CEP85L: variants seen among roughly 807,000 people sequenced by gnomAD.
CEP85L encodes the protein centrosomal protein of 85 kDa-like.
CEP85L carries 60 observed loss-of-function variants against 100.3 expected under a neutral mutation model. That is an observed-to-expected ratio of 0.60 (90% confidence interval 0.49 to 0.74). CEP85L has a LOEUF of 0.74. Ranked by LOEUF, CEP85L falls within the 30% of genes least tolerant of loss-of-function variation. The pLI is 0.00. For synonymous variants in CEP85L, 319 were observed against 322.7 expected, an observed-to-expected ratio of 0.99 and a Z score of 0.12; for missense variants, 973 against 936.2, an observed-to-expected ratio of 1.04 and a Z score of -0.51.
rs1489681233 is a variant in CEP85L, at chr6:118,462,208, A to G, written c.*3197T>C. On this transcript the variant is annotated 3_prime_UTR_variant, in exon 13 of 13. Coordinates refer to ENST00000368491, the MANE Select transcript of CEP85L (RefSeq NM_001042475.3). ...TGTCACCACCAAAATAAATTTCACT[A>G]AAATATAATACTGTTAGCATTAAAT... 6.6e-6 allele frequency: 1 copy of G among 152,074 alleles called. No homozygotes were observed. Among genetic ancestry groups the G allele is most frequent in the Non-Finnish European group, 1.5e-5 (1 of 67,926 alleles). The allele number at this position is 152,074 out of a possible 1,614,324, so 9.4% of individuals were successfully genotyped here.
At chr6:118,596,778 A>G (rs1781477636) in intron 2 of CEP85L, among the ~76,000 whole-genome samples, 1 of 152,008 alleles carries the variant, frequency 6.6e-6, no homozygotes, top group South Asian at 2.1e-4. Flanking sequence ...AGAAGTCTCG[A>G]TTTCCTGTTA....
In CEP85L at chr6:118,572,272, TAAA is replaced by T. The variant is rs572307069; in HGVS notation, c.233-5959_233-5957del. On this transcript the variant is annotated intron_variant, in intron 2 of 12. Coordinates refer to ENST00000368491, the MANE Select transcript of CEP85L (RefSeq NM_001042475.3). ...GTTATGCCACATGTAACCCATTCTT[TAAA>T]AAAAAAAAAAAAAAAAAAAGGTGTA... 7.7e-3 allele frequency among the ~76,000 whole-genome samples: 826 copies of T among 107,604 alleles called. 6 individuals carry two copies. Among genetic ancestry groups the T allele is most frequent in the African/African-American group, 0.02 (545 of 27,280 alleles). 70.6% of individuals were successfully genotyped at this position (107,604 alleles called of 152,430 possible).
At chr6:118,498,617 G>T (rs1300445927) in intron 5 of CEP85L, among the ~76,000 whole-genome samples, 6 of 137,454 alleles carry the variant, frequency 4.4e-5, no homozygotes, top group Non-Finnish European at 9.5e-5. Context: ...AAAAAATAGA[G>T]AGAGAGAAAG....
chr6:118,580,303 T>C (rs1583099247), intron 2 of CEP85L, among the ~76,000 whole-genome samples: 1 of 152,088 alleles, frequency 6.6e-6, no homozygotes, highest in East Asian at 1.9e-4. Flanking sequence ...ACCCTGGTAT[T>C]CCCCTCCAGT....
intron 1 of CEP85L, among the ~76,000 whole-genome samples, chr6:118,642,429 A>G (rs1468074403): frequency 6.6e-6 from 1 of 152,244 alleles, no homozygotes; most frequent in Non-Finnish European, 1.5e-5. Flanking sequence ...GTAAAATTCT[A>G]GGCCAGAAGA....
chr6:118,683,560 G>C lies in CEP85L; in HGVS notation c.-28+26476C>G, dbSNP rs75646249. Among the ~76,000 whole-genome samples the C allele has an allele frequency of 7.6e-3, 1,152 of 152,246 alleles. 11 individuals are homozygous for C. Among genetic ancestry groups the C allele is most frequent in the African/African-American group, 0.026 (1,093 of 41,532 alleles). Reference sequence around the variant, plus strand: ...GATGGAAAATCAGTGCAGCATCCTAGTGCATTCGCAGTGTGGTTTGACAAA... The same window carrying C: ...GATGGAAAATCAGTGCAGCATCCTACTGCATTCGCAGTGTGGTTTGACAAA... On this transcript the variant is annotated intron_variant, in intron 1 of 13. Coordinates refer to the CEP85L transcript ENST00000368488.
intron 1 of CEP85L, among the ~76,000 whole-genome samples, chr6:118,687,805 C>G (rs1776884865): frequency 6.6e-6 from 1 of 152,216 alleles, no homozygotes; most frequent in Non-Finnish European, 1.5e-5. Flanking sequence ...ACTTCCATCC[C>G]TCCAGATCTG....
chr6:118,475,112 T>C (rs1025179819), intron 10 of CEP85L, among the ~76,000 whole-genome samples: 6 of 152,224 alleles, frequency 3.9e-5, no homozygotes, highest in African/African-American at 2.4e-5. Flanking sequence ...AGACCATATA[T>C]ACATTTGTAT....
intron 2 of CEP85L, among the ~76,000 whole-genome samples, chr6:118,576,673 G>C (rs1780254073): frequency 6.6e-6 from 1 of 152,136 alleles, no homozygotes; most frequent in Non-Finnish European, 1.5e-5. Flanking sequence ...GGAAGAGTTA[G>C]GCAATTGGGG....
chr6:118,557,735 C>T (rs963188019), intron 3 of CEP85L, among the ~76,000 whole-genome samples: 9 of 152,068 alleles, frequency 5.9e-5, no homozygotes, highest in African/African-American at 1.7e-4. Flanking sequence ...AAATTATTAT[C>T]GAATAAAAAT....
intron 1 of CEP85L, among the ~76,000 whole-genome samples, chr6:118,687,602 C>T (rs113842224): frequency 0.012 from 1,768 of 152,290 alleles, 48 homozygotes; most frequent in African/African-American, 0.04. Flanking sequence ...GGACAATGCT[C>T]GGGATATAAA....
intron 2 of CEP85L, among the ~76,000 whole-genome samples, chr6:118,584,699 G>T (rs2115092201): frequency 6.6e-6 from 1 of 152,324 alleles, no homozygotes; most frequent in African/African-American, 2.4e-5. Flanking sequence ...GCTAAAGGAT[G>T]GCCAGCATGC....
chr6:118,505,528 A>G (rs966615261), intron 5 of CEP85L, among the ~76,000 whole-genome samples: 2 of 151,870 alleles, frequency 1.3e-5, no homozygotes, highest in Non-Finnish European at 2.9e-5. Flanking sequence ...TATACCCAGA[A>G]AGCGGAACAT....
intron 2 of CEP85L, among the ~76,000 whole-genome samples, chr6:118,601,783 A>G (rs1781801342): frequency 6.6e-6 from 1 of 152,180 alleles, no homozygotes; most frequent in Middle Eastern, 3.2e-3. Context: ...GTAAACTGTC[A>G]TGACGCTGGT....
At chr6:118,475,355 T>C (rs1179982749) in intron 10 of CEP85L, among the ~76,000 whole-genome samples, 2 of 145,024 alleles carry the variant, frequency 1.4e-5, no homozygotes, top group African/African-American at 2.6e-5. Flanking sequence ...ACATTTTTTT[T>C]TTTTTTTTTT....
chr6:118,552,922 T>A (rs1170176338), intron 3 of CEP85L, among the ~76,000 whole-genome samples: 2 of 152,028 alleles, frequency 1.3e-5, no homozygotes, highest in East Asian at 3.9e-4. Flanking sequence ...TACTCTTGAT[T>A]CTAGGGCCTA....
At position 118,463,069 on chromosome 6, in the gene CEP85L, G is replaced by A. The variant is rs1345361185; in HGVS notation, c.*2336C>T. ...ACTGAAATGCATCAGCAGTAGTTTT[G>A]TTAACTTCCTACTAAGTCAGAAATT... On this transcript the variant is annotated 3_prime_UTR_variant, in exon 13 of 13. Coordinates refer to ENST00000368491, the MANE Select transcript of CEP85L (RefSeq NM_001042475.3). 6.6e-6 allele frequency: 1 copy of A among 151,756 alleles called. No individual in the cohort carries two copies. The highest frequency in any genetic ancestry group is 2.4e-5 in the African/African-American group (1 of 41,346). 9.4% of individuals were successfully genotyped at this position (151,756 alleles called of 1,614,324 possible). A position where few individuals can be genotyped will look rare whatever the true frequency, so the allele number is the denominator to read the frequency against.
At chr6:118,680,985 G>A (rs1776640173) in intron 1 of CEP85L, among the ~76,000 whole-genome samples, 2 of 152,144 alleles carry the variant, frequency 1.3e-5, no homozygotes, top group African/African-American at 2.4e-5. Flanking sequence ...TTGCTGAAAC[G>A]GAACTTGGTT....
At chr6:118,645,530 A>T (rs1419896285) in intron 1 of CEP85L, among the ~76,000 whole-genome samples, 3 of 152,126 alleles carry the variant, frequency 2.0e-5, no homozygotes, top group Non-Finnish European at 2.9e-5. Context: ...ATTAGCCAGC[A>T]GTCAGTGCAC....
Sources: allele counts gnomAD v4.1 joint callset (sites outside exome capture counted in the v4.1 genomes callset), GRCh38; gene constraint gnomAD v4.1.1; transcripts MANE v1.5; gene names NCBI Gene and HGNC (gene_info 2026-07-23, HGNC 2026-07-21).